Variants in NKAIN3 observed in about 807,000 individuals in gnomAD.
NKAIN3 encodes sodium/potassium-transporting ATPase subunit beta-1-interacting protein 3.
NKAIN3 carries 25 observed loss-of-function variants against 30.2 expected under a neutral mutation model. The ratio of observed to expected loss-of-function variants is 0.83; its 90% CI spans 0.60 to 1.16. The LOEUF is 1.16. NKAIN3 is among the 50% of genes most tolerant of loss of function. The pLI is 0.00. For missense variants in NKAIN3, 225 were observed against 254.1 expected (o/e 0.89, Z 0.78); for synonymous variants, 91 against 89.6 (o/e 1.02, Z -0.09).
At chr8:62,850,484 CT>C (rs1819858621) in intron 4 of NKAIN3, among the ~76,000 whole-genome samples, 1 of 152,046 alleles carries the variant, frequency 6.6e-6, no homozygotes, top group South Asian at 2.1e-4. Context: ...TCAATTTTGG[CT>C]TTTGTTGCCA....
chr8:62,616,605 TTTTG>T (rs1194187530), intron 3 of NKAIN3, among the ~76,000 whole-genome samples: 1 of 151,926 alleles, frequency 6.6e-6, no homozygotes, highest in Non-Finnish European at 1.5e-5. Context: ...CAAGAGGGGT[TTTTG>T]TTTGTTTGTT....
chr8:62,407,583 A>G (rs1307474684), intron 1 of NKAIN3, among the ~76,000 whole-genome samples: 1 of 151,732 alleles, frequency 6.6e-6, no homozygotes, highest in Non-Finnish European at 1.5e-5. Context: ...AATTTTTGTA[A>G]TTTTGTAATT....
intron 4 of NKAIN3, among the ~76,000 whole-genome samples, chr8:62,753,752 C>T (rs976998389): frequency 1.3e-5 from 2 of 152,008 alleles, no homozygotes; most frequent in African/African-American, 2.4e-5. Flanking sequence ...GTCTTGTAAC[C>T]CCACTCAATG....
At chr8:62,931,545 T>C (rs1485679034) in intron 5 of NKAIN3, among the ~76,000 whole-genome samples, 1 of 152,192 alleles carries the variant, frequency 6.6e-6, no homozygotes, top group African/African-American at 2.4e-5. Context: ...ACTTCTCCAA[T>C]AAATAAGCAT....
chr8:62,671,114 GT>G (rs1813289043), intron 3 of NKAIN3, among the ~76,000 whole-genome samples: 1 of 152,104 alleles, frequency 6.6e-6, no homozygotes. Context: ...TTAGCATGCT[GT>G]CTTCATTCTC....
intron 3 of NKAIN3, among the ~76,000 whole-genome samples, chr8:62,669,052 A>G (rs1813217510): frequency 6.6e-6 from 1 of 152,164 alleles, no homozygotes. Context: ...GTCCCTGGTC[A>G]TCTATTATCA....
At chr8:62,766,517 G>T (rs1816843660) in intron 4 of NKAIN3, among the ~76,000 whole-genome samples, 1 of 152,154 alleles carries the variant, frequency 6.6e-6, no homozygotes, top group Admixed American at 6.5e-5. Flanking sequence ...TGAAATTTAT[G>T]GGTGAGAGGG....
chr8:62,377,440 T>A (rs570311002), intron 1 of NKAIN3, among the ~76,000 whole-genome samples: 6 of 152,246 alleles, frequency 3.9e-5, no homozygotes, highest in African/African-American at 1.4e-4. Context: ...AAAGGTGAAG[T>A]TTCAGTCATT....
chr8:62,637,944 G>A (rs534130511), intron 3 of NKAIN3, among the ~76,000 whole-genome samples: 5 of 152,226 alleles, frequency 3.3e-5, no homozygotes, highest in Non-Finnish European at 7.4e-5. Flanking sequence ...TGTACTTATG[G>A]CAGTTCTTCA....
At chr8:62,659,415 G>T (rs188453529) in intron 3 of NKAIN3, among the ~76,000 whole-genome samples, 29 of 152,324 alleles carry the variant, frequency 1.9e-4, no homozygotes, top group Admixed American at 1.0e-3. Context: ...AGGATTAAAT[G>T]GGATGAGCCA....
At chr8:62,701,949 C>T (rs1741027204) in intron 3 of NKAIN3, among the ~76,000 whole-genome samples, 1 of 152,178 alleles carries the variant, frequency 6.6e-6, no homozygotes, top group African/African-American at 2.4e-5. Context: ...GGCATCTGTC[C>T]ACTGGGGGCG....
intron 1 of NKAIN3, among the ~76,000 whole-genome samples, chr8:62,259,737 A>T (rs1585606040): frequency 6.6e-6 from 1 of 152,340 alleles, no homozygotes; most frequent in East Asian, 1.9e-4. Flanking sequence ...AACAAAAAAA[A>T]TCAGATGAAG....
At chr8:62,701,277 T>G (rs1030863428) in intron 3 of NKAIN3, among the ~76,000 whole-genome samples, 1 of 152,212 alleles carries the variant, frequency 6.6e-6, no homozygotes, top group Non-Finnish European at 1.5e-5. Flanking sequence ...TGGTGTTGCA[T>G]CTGATGTTCC....
chr8:62,699,914 A>G (rs1006600273), intron 3 of NKAIN3, among the ~76,000 whole-genome samples: 1 of 152,210 alleles, frequency 6.6e-6, no homozygotes, highest in Non-Finnish European at 1.5e-5. Flanking sequence ...CAGGAGGATC[A>G]CTTGAGTTCA....
chr8:62,555,425 G>A (rs1809357413), intron 1 of NKAIN3, among the ~76,000 whole-genome samples: 1 of 151,928 alleles, frequency 6.6e-6, no homozygotes, highest in Non-Finnish European at 1.5e-5. Context: ...ACAGAACTAA[G>A]ATATAGTATT....
chr8:62,492,800 G>T (rs1437708352), intron 1 of NKAIN3, among the ~76,000 whole-genome samples: 1 of 152,098 alleles, frequency 6.6e-6, no homozygotes, highest in Non-Finnish European at 1.5e-5. Context: ...GCTCGGTCCA[G>T]TGGTAGTTCT....
intron 1 of NKAIN3, among the ~76,000 whole-genome samples, chr8:62,466,091 G>C (rs1485240077): frequency 1.3e-5 from 2 of 152,108 alleles, no homozygotes; most frequent in Non-Finnish European, 2.9e-5. Flanking sequence ...AGGGTTTCTA[G>C]ATTGGGTGAA....
At position 62,977,680 on chromosome 8, in the gene NKAIN3, C is replaced by T. The variant is rs867913605; in HGVS notation, c.*12273C>T. On this transcript the variant is annotated 3_prime_UTR_variant, in exon 7 of 7. Transcript: ENST00000623646. ...TATGTTCCATTCGCTCTGAGGAGTT[C>T]GTTATTACCCATCTTCTGAAGCTTA... Among the ~76,000 whole-genome samples the T allele has an allele frequency of 6.6e-6, 1 of 152,034 alleles. No individual in the cohort carries two copies. The highest frequency in any genetic ancestry group is 6.5e-5 in the Admixed American group (1 of 15,274).
chr8:62,786,365 A>G (rs1817517770), intron 4 of NKAIN3, among the ~76,000 whole-genome samples: 3 of 152,214 alleles, frequency 2.0e-5, no homozygotes, highest in South Asian at 4.1e-4. Flanking sequence ...ATTTTTATAT[A>G]TTGCAGGGAG....
Sources: allele counts gnomAD v4.1 joint callset (sites outside exome capture counted in the v4.1 genomes callset), GRCh38; gene constraint gnomAD v4.1.1; transcripts MANE v1.5; gene names NCBI Gene and HGNC (gene_info 2026-07-23, HGNC 2026-07-21).